ERC2: variants seen among roughly 807,000 people sequenced by gnomAD.
The protein encoded by ERC2 is ERC protein 2.
A neutral mutation model predicts 114.8 loss-of-function variants in ERC2; 42 were observed. That is an observed-to-expected ratio of 0.37 (90% CI 0.29 to 0.47). The LOEUF (loss-of-function observed/expected upper bound fraction) is 0.47, where lower values mean the gene tolerates loss of function less well. Ranked by LOEUF, ERC2 falls within the 20% of genes least tolerant of loss-of-function variation. The pLI, the probability that ERC2 is intolerant of heterozygous loss-of-function variation, is 0.99. For synonymous variants in ERC2, 454 were observed against 425.5 expected (o/e 1.07, Z -0.82); for missense variants, 939 against 1,150.7 (o/e 0.82, Z 2.66).
At chr3:56,426,885 AG>A (rs2061589675) in intron 2 of ERC2, among the ~76,000 whole-genome samples, 1 of 151,676 alleles carries the variant, frequency 6.6e-6, no homozygotes, top group Non-Finnish European at 1.5e-5. Flanking sequence ...GTTTTGGCAG[AG>A]CGCAGTGGCT....
At chr3:55,905,087 GTTC>G (rs1417708192) in intron 13 of ERC2, among the ~76,000 whole-genome samples, 2 of 152,114 alleles carry the variant, frequency 1.3e-5, no homozygotes, top group East Asian at 1.9e-4. Context: ...TGTGTTTCAC[GTTC>G]TTCTTTTTGA....
rs571567226 is a variant in ERC2 at position 55,847,444 on chromosome 3, C to T, written c.2564+40945G>A. ...AATGTGTGATCTCTAACAGCAAGAC[C>T]GGGAGATACACTTGACATCCATTCA... On this transcript the variant is annotated intron_variant, in intron 14 of 17. Coordinates refer to ENST00000288221, the MANE Select transcript of ERC2 (RefSeq NM_015576.3). 1.1e-4 allele frequency among the ~76,000 whole-genome samples: 16 copies of T among 152,136 alleles called. No individual in the cohort carries two copies. The East Asian group carries it at 1.5e-3, about 15-fold the overall frequency.
chr3:55,844,129 A>G (rs2061252595), intron 14 of ERC2, among the ~76,000 whole-genome samples: 1 of 152,212 alleles, frequency 6.6e-6, no homozygotes, highest in Non-Finnish European at 1.5e-5. Context: ...ACTTTCATGC[A>G]ATATGTGGCA....
intron 14 of ERC2, among the ~76,000 whole-genome samples, chr3:55,759,377 C>A (rs2067262801): frequency 6.7e-6 from 1 of 148,382 alleles, no homozygotes; most frequent in African/African-American, 2.5e-5. Flanking sequence ...ATCTTCTCCA[C>A]ATTTGCACAG....
intron 6 of ERC2, among the ~76,000 whole-genome samples, chr3:56,095,534 C>A (rs898856791): frequency 1.3e-5 from 2 of 152,246 alleles, no homozygotes; most frequent in African/African-American, 4.8e-5. Context: ...TGCACACAGG[C>A]TATTTCTGGA....
At chr3:56,448,167 A>T (rs534743613) in intron 1 of ERC2, among the ~76,000 whole-genome samples, 1 of 152,208 alleles carries the variant, frequency 6.6e-6, no homozygotes, top group South Asian at 2.1e-4. Context: ...ACCCAAAAGC[A>T]CTTCCATACC....
At chr3:56,371,796 C>A (rs961081276) in intron 2 of ERC2, among the ~76,000 whole-genome samples, 3 of 152,242 alleles carry the variant, frequency 2.0e-5, no homozygotes, top group African/African-American at 7.2e-5. Context: ...GGCATAGCCA[C>A]AAATGGGTTA....
At chr3:56,095,794 G>T (rs941508263) in intron 6 of ERC2, among the ~76,000 whole-genome samples, 1 of 152,170 alleles carries the variant, frequency 6.6e-6, no homozygotes, top group Admixed American at 6.5e-5. Flanking sequence ...CAGAAATGCT[G>T]CAGGTGGAGG....
rs116782460 is a variant in ERC2 at position 55,796,121 on chromosome 3, A to G, written c.2565-61203T>C. 2.9e-3 allele frequency among the ~76,000 whole-genome samples: 445 copies of G among 152,358 alleles called. 4 individuals carry two copies. Among genetic ancestry groups the G allele is most frequent in the African/African-American group, 0.01 (423 of 41,578 alleles). Reference sequence around the variant, plus strand: ...GAAATCAAGGCAGGCCTCTTAGGCAAGAAGCATTTAAATTATACCGGCAAG... The same window carrying G: ...GAAATCAAGGCAGGCCTCTTAGGCAGGAAGCATTTAAATTATACCGGCAAG... On this transcript the variant is annotated intron_variant, in intron 14 of 17. Transcript: ENST00000288221.
intron 14 of ERC2, among the ~76,000 whole-genome samples, chr3:55,789,275 T>C (rs1411483777): frequency 6.6e-6 from 1 of 152,234 alleles, no homozygotes; most frequent in Non-Finnish European, 1.5e-5. Flanking sequence ...TACTGCTTCC[T>C]AGGGCCATGG....
chr3:55,831,787 C>T lies in ERC2; in HGVS notation c.2564+56602G>A, dbSNP rs113691314. Among the ~76,000 whole-genome samples the T allele has an allele frequency of 9.4e-3, 1,432 of 152,198 alleles. 25 individuals carry two copies. The highest frequency in any genetic ancestry group is 0.032 in the African/African-American group (1,310 of 41,532). ...TGGGTACAACGCACCGTGTGTGAGTCGAAGCAGGGCGAGGCATTGCCTCAC... is the reference window on the plus strand; with the variant it reads ...TGGGTACAACGCACCGTGTGTGAGTTGAAGCAGGGCGAGGCATTGCCTCAC... On this transcript the variant is annotated intron_variant, in intron 14 of 17. Coordinates refer to ENST00000288221, the MANE Select transcript of ERC2 (RefSeq NM_015576.3).
chr3:56,063,046 A>C (rs1257226993), intron 7 of ERC2, among the ~76,000 whole-genome samples: 1 of 152,214 alleles, frequency 6.6e-6, no homozygotes, highest in Admixed American at 6.5e-5. Flanking sequence ...TTTAGAATGA[A>C]CTATTGATAA....
At chr3:56,312,762 G>A (rs1302608506) in intron 2 of ERC2, among the ~76,000 whole-genome samples, 1 of 150,990 alleles carries the variant, frequency 6.6e-6, no homozygotes, top group Non-Finnish European at 1.5e-5. Context: ...ACCATGAGGA[G>A]TCTGTGATAA....
chr3:55,757,696 G>A (rs1575504196), intron 14 of ERC2, among the ~76,000 whole-genome samples: 1 of 152,056 alleles, frequency 6.6e-6, no homozygotes, highest in African/African-American at 2.4e-5. Flanking sequence ...AATGGAGTAG[G>A]AAAAGGAGGA....
intron 14 of ERC2, among the ~76,000 whole-genome samples, chr3:55,798,250 T>C (rs911038591): frequency 2.0e-5 from 3 of 152,078 alleles, no homozygotes; most frequent in African/African-American, 4.8e-5. Flanking sequence ...TTAATACCAA[T>C]ACATTGCAGT....
chr3:56,209,814 G>C (rs564619767), intron 3 of ERC2, among the ~76,000 whole-genome samples: 2 of 152,254 alleles, frequency 1.3e-5, no homozygotes, highest in East Asian at 3.9e-4. Context: ...AAATTCTCAA[G>C]TGAGTTGACC....
intron 7 of ERC2, among the ~76,000 whole-genome samples, chr3:56,046,685 T>C (rs2149674597): frequency 6.6e-6 from 1 of 152,284 alleles, no homozygotes; most frequent in East Asian, 1.9e-4. Flanking sequence ...ATTCTTTGCC[T>C]CTCAAGTTCC....
chr3:56,343,845 T>A (rs1453852741), intron 2 of ERC2, among the ~76,000 whole-genome samples: 2 of 152,200 alleles, frequency 1.3e-5, no homozygotes, highest in Admixed American at 6.5e-5. Context: ...TTTCCTTTCT[T>A]CACAAAGTCT....
chr3:55,714,479 C>G (rs1386342456), intron 15 of ERC2, among the ~76,000 whole-genome samples: 3 of 151,670 alleles, frequency 2.0e-5, no homozygotes, highest in Non-Finnish European at 4.4e-5. Flanking sequence ...ATGAAATATT[C>G]AGAAGCCAGT....
Sources: allele counts gnomAD v4.1 joint callset (sites outside exome capture counted in the v4.1 genomes callset), GRCh38; gene constraint gnomAD v4.1.1; transcripts MANE v1.5; gene names NCBI Gene and HGNC (gene_info 2026-07-23, HGNC 2026-07-21).